FAAH2: variants seen among roughly 807,000 people sequenced by gnomAD.
FAAH2 encodes fatty acid amide hydrolase 2.
Under a neutral mutation model 36.9 loss-of-function variants are expected in FAAH2, and 60 were observed. The observed-to-expected ratio is 1.63, with a 90% CI of 1.32 to 2.02. The LOEUF is 2.02. Ranked by LOEUF, FAAH2 falls within the 30% of genes most tolerant of loss-of-function variation. The pLI is 0.00. For synonymous variants in FAAH2, 214 were observed against 143.8 expected (o/e 1.49, Z -3.49); for missense variants, 689 against 397.5 (o/e 1.73, Z -6.23).
At chrX:57,335,299 C>A (rs768957995) in intron 4 of FAAH2, among the ~76,000 whole-genome samples, 1 of 110,941 alleles carries the variant, frequency 9.0e-6, no homozygotes, top group Admixed American at 9.6e-5. Context: ...AGGGGACCGG[C>A]GTTCAGCATA....
the FAAH2 span, among the ~76,000 whole-genome samples, chrX:57,158,213 G>A: frequency 1.1e-3 from 121 of 111,933 alleles, 1 homozygote; most frequent in African/African-American, 3.6e-3. Flanking sequence ...ATTCCATGGC[G>A]TATATGTGCC....
chrX:57,157,820 A>G, the FAAH2 span, among the ~76,000 whole-genome samples: 6 of 110,005 alleles, frequency 5.5e-5, no homozygotes, highest in Admixed American at 3.9e-4. Context: ...TTTATTTTTT[A>G]TTTTTTATTT....
chrX:57,270,512 A>G, the FAAH2 span, among the ~76,000 whole-genome samples: 3 of 112,219 alleles, frequency 2.7e-5, no homozygotes, highest in African/African-American at 9.7e-5. Flanking sequence ...TGAAAAGCTT[A>G]TTCAGATAAT....
chrX:57,249,427 A>T, the FAAH2 span, among the ~76,000 whole-genome samples: 1 of 112,281 alleles, frequency 8.9e-6, no homozygotes, highest in Non-Finnish European at 1.9e-5. Flanking sequence ...GCCCATTAAG[A>T]TTAACAAATT....
At chrX:57,233,334 G>A in the FAAH2 span, among the ~76,000 whole-genome samples, 1 of 111,309 alleles carries the variant, frequency 9.0e-6, no homozygotes, top group African/African-American at 3.3e-5. Context: ...CTTAAGTCAG[G>A]GATTTAATGT....
chrX:57,310,615 G>T lies in FAAH2; in HGVS notation c.298G>T (p.Ala100Ser). ...TAGGTTTGAGGAAGCGATGAAGGAG[G>T]CTCATGCTGTAGATCAAAAGCTTGC... The part of the protein sequence containing the change: ...KYRFEEAMKE[A>S]HAVDQKLAEK... The change falls in exon 3 of 11, where the codon GCT (alanine) becomes TCT (serine). Residue 100 changes from alanine (A) to serine (S), a missense_variant. Transcript: ENST00000374900. 8.3e-7 allele frequency: 1 copy of T among 1,207,197 alleles called. No homozygotes were observed. The highest frequency in any genetic ancestry group is 1.8e-5 in the South Asian group (1 of 55,541).
At chrX:57,345,948 A>T (rs1316529073) in intron 5 of FAAH2, among the ~76,000 whole-genome samples, 1 of 111,485 alleles carries the variant, frequency 9.0e-6, no homozygotes, top group Non-Finnish European at 1.9e-5. Flanking sequence ...TATTTTATTT[A>T]TATTGGTTTC....
chrX:57,269,036 A>G, the FAAH2 span, among the ~76,000 whole-genome samples: 1 of 111,891 alleles, frequency 8.9e-6, no homozygotes, highest in African/African-American at 3.2e-5. Flanking sequence ...TAAAAGGAGG[A>G]AAATCTATCA....
rs1039596260 is a variant in FAAH2 at position 57,482,376 on chromosome X, G to A, written c.1424-6381G>A. On this transcript the variant is annotated intron_variant, in intron 10 of 10. Transcript: ENST00000374900. ...TTTTGTGCTTGAAACTCAGGGCCCCGGTGGTGTAGGTACACAAGGGAATCT... is the reference window on the plus strand; with the variant it reads ...TTTTGTGCTTGAAACTCAGGGCCCCAGTGGTGTAGGTACACAAGGGAATCT... Among the ~76,000 whole-genome samples, 11 of 111,610 alleles carry A rather than the reference G, an allele frequency of 9.9e-5. No individual in the cohort carries two copies. The East Asian group carries it at 2.3e-3, about 23-fold the overall frequency.
Position 57,288,436 on chromosome X carries a change from G to A in FAAH2, c.192+1419G>A, listed in dbSNP as rs545272049. The stretch of plus-strand genomic sequence containing the variant: ...GCGATCTTCGCTCACTGCAAGCTCC[G>A]CCTCCCGGGTTGACGCCATTCTCCT... On this transcript the variant is annotated intron_variant, in intron 1 of 10. Transcript: ENST00000374900. Among the ~76,000 whole-genome samples, 14 of 89,232 alleles carry A rather than the reference G, an allele frequency of 1.6e-4. 1 individual carries two copies. In the South Asian group the frequency reaches 6.9e-3, roughly 44 times the overall value. The allele number at this position is 89,232 out of a possible 115,157, so 77.5% of individuals were successfully genotyped here.
At chrX:57,256,502 C>A in the FAAH2 span, among the ~76,000 whole-genome samples, 2 of 111,591 alleles carry the variant, frequency 1.8e-5, no homozygotes, top group African/African-American at 6.5e-5. Context: ...GAAGGCACCA[C>A]GCTACCTGAC....
intron 10 of FAAH2, among the ~76,000 whole-genome samples, chrX:57,472,812 G>T (rs2057194136): frequency 9.0e-6 from 1 of 111,132 alleles, no homozygotes; most frequent in South Asian, 3.7e-4. Flanking sequence ...TGTGTGCATA[G>T]AATTGTCCAT....
Position 57,407,870 on chromosome X carries a change from A to G in FAAH2, c.997-24048A>G, listed in dbSNP as rs2055606292. 2.7e-5 allele frequency among the ~76,000 whole-genome samples: 3 copies of G among 112,252 alleles called. No homozygotes were observed. The South Asian group carries it at 1.1e-3, about 41-fold the overall frequency. ...ATTAATTTCATTCTTTTGCAAATGG[A>G]TATCCAGATTTCATAAAATAACTTA... On this transcript the variant is annotated intron_variant, in intron 7 of 10. Coordinates refer to ENST00000374900, the MANE Select transcript of FAAH2 (RefSeq NM_174912.4).
chrX:57,305,848 C>T (rs770604422), intron 2 of FAAH2, among the ~76,000 whole-genome samples: 76 of 111,610 alleles, frequency 6.8e-4, no homozygotes, highest in African/African-American at 2.4e-3. Flanking sequence ...CAGCTACTAC[C>T]CCATCTGATA....
the FAAH2 span, among the ~76,000 whole-genome samples, chrX:57,200,075 C>G: frequency 3.5e-3 from 389 of 111,030 alleles, 1 homozygote; most frequent in African/African-American, 0.012. Context: ...ATAATTTAGT[C>G]TATTTACATT....
intron 10 of FAAH2, among the ~76,000 whole-genome samples, chrX:57,479,231 T>C: frequency 9.0e-6 from 1 of 111,669 alleles, no homozygotes; most frequent in Non-Finnish European, 1.9e-5. Context: ...TTCTTAGGTA[T>C]TTTATTCTCT....
intron 2 of FAAH2, among the ~76,000 whole-genome samples, chrX:57,300,918 T>A (rs2052340220): frequency 8.9e-6 from 1 of 111,824 alleles, no homozygotes. Flanking sequence ...GAGATAACCA[T>A]CTCACACCAG....
intron 5 of FAAH2, among the ~76,000 whole-genome samples, chrX:57,363,782 T>A (rs761666373): frequency 1.8e-4 from 20 of 111,388 alleles, no homozygotes; most frequent in African/African-American, 6.5e-4. Flanking sequence ...GGAGGTATGA[T>A]GAATTTTATC....
intron 3 of FAAH2, among the ~76,000 whole-genome samples, chrX:57,313,651 C>T (rs1212402641): frequency 1.8e-5 from 2 of 109,724 alleles, no homozygotes; most frequent in Non-Finnish European, 3.8e-5. Context: ...CATTTCCTCG[C>T]AAATAAGCTT....
Sources: allele counts gnomAD v4.1 joint callset (sites outside exome capture counted in the v4.1 genomes callset), GRCh38; gene constraint gnomAD v4.1.1; transcripts MANE v1.5; gene names NCBI Gene and HGNC (gene_info 2026-07-23, HGNC 2026-07-21).